The following NRG1 variants were observed in gnomAD, a reference collection of about 807,000 sequenced individuals.
NRG1 encodes the protein neuregulin 1.
NRG1 carries 18 observed loss-of-function variants against 63.8 expected under a neutral mutation model. The ratio of observed to expected loss-of-function variants is 0.28; its 90% CI spans 0.19 to 0.42. NRG1 has a LOEUF of 0.42. Ranked by LOEUF, NRG1 falls within the 10% of genes least tolerant of loss-of-function variation. The pLI is 1.00. For missense variants in NRG1, 762 were observed against 814.7 expected, an observed-to-expected ratio of 0.94 and a Z score of 0.79; for synonymous variants, 302 against 301.3, an observed-to-expected ratio of 1.00 and a Z score of -0.02.
At chr8:32,025,744 G>C (rs577295688) in intron 1 of NRG1, among the ~76,000 whole-genome samples, 2 of 152,012 alleles carry the variant, frequency 1.3e-5, no homozygotes, top group South Asian at 4.2e-4. Flanking sequence ...TCAGGAGATC[G>C]AGACCATCCT....
intron 1 of NRG1, among the ~76,000 whole-genome samples, chr8:32,014,899 G>C (rs1467432022): frequency 1.3e-5 from 2 of 152,060 alleles, no homozygotes; most frequent in Non-Finnish European, 2.9e-5. Context: ...AGTCCAAAGA[G>C]GATGAAGGCA....
At chr8:32,590,559 G>A (rs941020634) in intron 1 of NRG1, among the ~76,000 whole-genome samples, 1 of 151,992 alleles carries the variant, frequency 6.6e-6, no homozygotes. Flanking sequence ...TTTAAAATTC[G>A]AGTACTTACT....
At chr8:32,394,060 G>T (rs1812129399) in intron 1 of NRG1, among the ~76,000 whole-genome samples, 1 of 152,018 alleles carries the variant, frequency 6.6e-6, no homozygotes, top group Admixed American at 6.6e-5. Context: ...TACTCTGCCT[G>T]GTTCCTCCAC....
intron 1 of NRG1, among the ~76,000 whole-genome samples, chr8:32,022,678 C>T (rs1157195304): frequency 1.3e-5 from 2 of 152,156 alleles, no homozygotes; most frequent in Non-Finnish European, 2.9e-5. Flanking sequence ...ATACAATCAA[C>T]TGGACCTGTT....
chr8:31,896,394 C>T (rs774866203), intron 1 of NRG1, among the ~76,000 whole-genome samples: 6 of 152,272 alleles, frequency 3.9e-5, no homozygotes, highest in South Asian at 2.1e-4. Flanking sequence ...TTTCACTATC[C>T]GGGGACCCCA....
Position 31,834,307 on chromosome 8 carries a change from G to GCACGCACACACACACACACACA in NRG1, c.37+194879_37+194880insGCACACACACACACACACACAC, listed in dbSNP as rs373890145. Among the ~76,000 whole-genome samples the GCACGCACACACACACACACACA allele has an allele frequency of 2.4e-3, 290 of 119,508 alleles. 2 individuals carry two copies. The highest frequency in any genetic ancestry group is 8.6e-3 in the South Asian group (37 of 4,316). 78.4% of individuals were successfully genotyped at this position (119,508 alleles called of 152,430 possible). A position where few individuals can be genotyped will look rare whatever the true frequency, so the allele number is the denominator to read the frequency against. ...CCTTCATGCGTGTGCGCGCACGCGC[G>GCACGCACACACACACACACACA]CACACACACACACACACACACACGC... On this transcript the variant is annotated intron_variant, in intron 1 of 10. Coordinates refer to the NRG1 transcript ENST00000519301.
At chr8:32,709,750 A>C (rs1037243540) in intron 5 of NRG1, among the ~76,000 whole-genome samples, 2 of 152,038 alleles carry the variant, frequency 1.3e-5, no homozygotes, top group Non-Finnish European at 2.9e-5. Context: ...TTTTTGTCTC[A>C]AGAGGTTCTG....
intron 1 of NRG1, among the ~76,000 whole-genome samples, chr8:31,872,662 A>G (rs1222862872): frequency 1.3e-5 from 2 of 152,238 alleles, no homozygotes; most frequent in East Asian, 1.9e-4. Context: ...TGGAAAAGTC[A>G]TAGTGGATAA....
chr8:32,550,118 C>G (rs575675611), intron 1 of NRG1, among the ~76,000 whole-genome samples: 1 of 152,280 alleles, frequency 6.6e-6, no homozygotes, highest in East Asian at 1.9e-4. Flanking sequence ...GAGTTTTGAG[C>G]AAAACAGAAA....
intron 1 of NRG1, among the ~76,000 whole-genome samples, chr8:31,951,624 A>G (rs970604591): frequency 6.6e-6 from 1 of 152,216 alleles, no homozygotes; most frequent in Non-Finnish European, 1.5e-5. Flanking sequence ...AAATGCAAGC[A>G]GTGTCACTGC....
intron 1 of NRG1, among the ~76,000 whole-genome samples, chr8:32,468,470 C>A (rs1823354031): frequency 1.3e-5 from 2 of 152,164 alleles, no homozygotes; most frequent in Admixed American, 6.5e-5. Context: ...CTTCATCCTC[C>A]CAAAATCACT....
chr8:32,707,482 A>G (rs563662414), intron 5 of NRG1, among the ~76,000 whole-genome samples: 2 of 152,230 alleles, frequency 1.3e-5, no homozygotes, highest in Admixed American at 1.3e-4. Context: ...ATTGTTTCAA[A>G]TTTAATATGA....
At chr8:32,292,491 G>A (rs1175146600) in intron 1 of NRG1, among the ~76,000 whole-genome samples, 1 of 152,158 alleles carries the variant, frequency 6.6e-6, no homozygotes, top group Non-Finnish European at 1.5e-5. Context: ...CAGTTGAAGA[G>A]GTTGAATCAG....
intron 1 of NRG1, among the ~76,000 whole-genome samples, chr8:32,471,097 T>G (rs1563509506): frequency 6.6e-6 from 1 of 152,232 alleles, no homozygotes; most frequent in Admixed American, 6.5e-5. Flanking sequence ...TAATAGAAGT[T>G]ATCAACATAT....
At chr8:32,303,039 G>A (rs1855758863) in intron 1 of NRG1, among the ~76,000 whole-genome samples, 6 of 151,840 alleles carry the variant, frequency 4.0e-5, no homozygotes, top group South Asian at 4.2e-4. Flanking sequence ...AAAATTAGCC[G>A]GGCGTGGTGG....
chr8:32,311,738 C>G (rs768654845), intron 1 of NRG1, among the ~76,000 whole-genome samples: 3 of 152,168 alleles, frequency 2.0e-5, no homozygotes, highest in Admixed American at 6.5e-5. Flanking sequence ...TCCCCAGAAC[C>G]TAGCACAATG....
chr8:32,048,306 C>CAT (rs966465436), intron 1 of NRG1, among the ~76,000 whole-genome samples: 2 of 149,264 alleles, frequency 1.3e-5, no homozygotes, highest in Non-Finnish European at 3.0e-5. Context: ...TATATTCATA[C>CAT]ATATATGTAT....
chr8:32,608,145 G>C (rs1464076703), intron 3 of NRG1, among the ~76,000 whole-genome samples: 1 of 132,518 alleles, frequency 7.5e-6, no homozygotes, highest in Non-Finnish European at 1.6e-5. Flanking sequence ...CCACAGTGCA[G>C]TTCCATCTGT....
intron 1 of NRG1, among the ~76,000 whole-genome samples, chr8:31,914,232 T>C (rs570029978): frequency 6.6e-6 from 1 of 152,278 alleles, no homozygotes; most frequent in Admixed American, 6.5e-5. Flanking sequence ...GTGACTCAGA[T>C]ATAATTCATT....
Sources: allele counts gnomAD v4.1 joint callset (sites outside exome capture counted in the v4.1 genomes callset), GRCh38; gene constraint gnomAD v4.1.1; transcripts MANE v1.5; gene names NCBI Gene and HGNC (gene_info 2026-07-23, HGNC 2026-07-21).